The following SPMIP11 variants were observed in gnomAD, a reference collection of about 807,000 sequenced individuals.
SPMIP11 encodes the protein sperm microtubule inner protein 11.
At chr12:48,761,445 C>CAAA in the SPMIP11 span, among the ~76,000 whole-genome samples, 1 of 96,280 alleles carries the variant, frequency 1.0e-5, no homozygotes, top group Non-Finnish European at 2.4e-5. Context: ...AGCGAGACTC[C>CAAA]AAAAAAAAAA....
At chr12:48,741,124 CA>C in the SPMIP11 span, among the ~76,000 whole-genome samples, 1 of 136,636 alleles carries the variant, frequency 7.3e-6, no homozygotes, top group Non-Finnish European at 1.5e-5. Flanking sequence ...CCCAGGCATA[CA>C]ATGGCTCACC....
chr12:48,742,365 TC>T, the SPMIP11 span, among the ~76,000 whole-genome samples: 1 of 131,586 alleles, frequency 7.6e-6, no homozygotes, highest in Non-Finnish European at 1.6e-5. Flanking sequence ...CACCGCAACC[TC>T]CACCTCCCAG....
At chr12:48,767,050 G>C in the SPMIP11 span, 1 of 152,538 alleles carries the variant, frequency 6.6e-6, no homozygotes, top group African/African-American at 2.4e-5. Flanking sequence ...CTGAAGGCTG[G>C]GGAAAGCCAA....
At chr12:48,754,871 C>A in the SPMIP11 span, among the ~76,000 whole-genome samples, 1 of 150,800 alleles carries the variant, frequency 6.6e-6, no homozygotes, top group African/African-American at 2.4e-5. Flanking sequence ...TTCAGCCTCC[C>A]GAGTAGCTGG....
the SPMIP11 span, among the ~76,000 whole-genome samples, chr12:48,770,382 C>G: frequency 2.6e-5 from 4 of 152,104 alleles, no homozygotes; most frequent in Admixed American, 2.0e-4. Context: ...TCCCATCCAC[C>G]AGTTCATTTG....
At chr12:48,752,491 T>C in the SPMIP11 span, among the ~76,000 whole-genome samples, 2 of 152,066 alleles carry the variant, frequency 1.3e-5, no homozygotes, top group Admixed American at 1.3e-4. Context: ...CTCTTTCTAA[T>C]ACTGGTTGCT....
chr12:48,751,833 G>A, the SPMIP11 span, among the ~76,000 whole-genome samples: 5 of 152,024 alleles, frequency 3.3e-5, no homozygotes, highest in African/African-American at 9.7e-5. Context: ...TTGGGAGGCC[G>A]AGACAGGCAG....
At chr12:48,768,690 T>C in the SPMIP11 span, 1 of 1,614,168 alleles carries the variant, frequency 6.2e-7, no homozygotes, top group Non-Finnish European at 8.5e-7. Flanking sequence ...CCTTGGCAGC[T>C]AGAACCTGGT....
the SPMIP11 span, among the ~76,000 whole-genome samples, chr12:48,754,964 C>T: frequency 1.5e-4 from 23 of 149,426 alleles, no homozygotes; most frequent in Non-Finnish European, 2.9e-4. Flanking sequence ...GCTGCAAATA[C>T]CCTAATCTAG....
At chr12:48,767,454 G>C in the SPMIP11 span, 4 of 152,896 alleles carry the variant, frequency 2.6e-5, no homozygotes, top group African/African-American at 9.7e-5. Context: ...CCACAGGAGA[G>C]AGGCAACCTG....
At chr12:48,728,656 T>C in the SPMIP11 span, among the ~76,000 whole-genome samples, 2 of 131,936 alleles carry the variant, frequency 1.5e-5, no homozygotes, top group Admixed American at 1.9e-4. Flanking sequence ...TGCAGTGAGC[T>C]GAAATCGAGC....
the SPMIP11 span, chr12:48,770,732 T>C: frequency 6.2e-7 from 1 of 1,603,820 alleles, no homozygotes. Context: ...GAAAAAGTCC[T>C]GGGAAAACCC....
the SPMIP11 span, chr12:48,767,045 G>T: frequency 6.5e-6 from 1 of 152,678 alleles, no homozygotes. Flanking sequence ...TCAGGCTGAA[G>T]GCTGGGGAAA....
the SPMIP11 span, among the ~76,000 whole-genome samples, chr12:48,750,751 T>C: frequency 2.0e-5 from 3 of 152,208 alleles, no homozygotes; most frequent in South Asian, 2.1e-4. Context: ...CCACAGTTCC[T>C]GAATCTCCAG....
the SPMIP11 span, among the ~76,000 whole-genome samples, chr12:48,755,437 G>A: frequency 3.9e-5 from 6 of 152,090 alleles, no homozygotes; most frequent in African/African-American, 7.2e-5. Context: ...AGCTCATTGC[G>A]TCCCTCTACC....
the SPMIP11 span, among the ~76,000 whole-genome samples, chr12:48,734,972 C>T: frequency 7.2e-6 from 1 of 139,298 alleles, no homozygotes; most frequent in Non-Finnish European, 1.5e-5. Context: ...CCACTGCACT[C>T]CAGCCTGGGC....
chr12:48,751,113 A>G, the SPMIP11 span, among the ~76,000 whole-genome samples: 1 of 152,064 alleles, frequency 6.6e-6, no homozygotes, highest in African/African-American at 2.4e-5. Flanking sequence ...GTGTGAGTGT[A>G]TTAACATTCA....
chr12:48,753,891 C>G, the SPMIP11 span, among the ~76,000 whole-genome samples: 1,423 of 151,742 alleles, frequency 9.4e-3, 24 homozygotes, highest in African/African-American at 0.033. Flanking sequence ...TTAGTAGAGA[C>G]AGGGTTTTGC....
chr12:48,730,075 A>C, the SPMIP11 span, among the ~76,000 whole-genome samples: 1 of 152,092 alleles, frequency 6.6e-6, no homozygotes, highest in Non-Finnish European at 1.5e-5. Flanking sequence ...CCCCTACTAG[A>C]TAGAATTCTC....
Sources: allele counts gnomAD v4.1 joint callset (sites outside exome capture counted in the v4.1 genomes callset), GRCh38; gene constraint gnomAD v4.1.1; transcripts MANE v1.5; gene names NCBI Gene and HGNC (gene_info 2026-07-23, HGNC 2026-07-21).